GBP5: variants seen among roughly 807,000 people sequenced by gnomAD.
GBP5 encodes guanylate-binding protein 5.
GBP5 carries 48 observed loss-of-function variants against 58.2 expected under a neutral mutation model. The observed-to-expected ratio is 0.83, with a 90% CI of 0.65 to 1.05. The LOEUF (loss-of-function observed/expected upper bound fraction) is 1.05, where lower values mean the gene tolerates loss of function less well. Among genes scored for constraint, GBP5 ranks in the 50% least tolerant of loss-of-function variants. The pLI is 0.00. For synonymous variants in GBP5, 248 were observed against 251.8 expected, an observed-to-expected ratio of 0.98 and a Z score of 0.14; for missense variants, 714 against 686.8, an observed-to-expected ratio of 1.04 and a Z score of -0.44.
chr1:89,263,302 GA>G, intron 9 of GBP5: 1 of 163,174 alleles, frequency 6.1e-6, no homozygotes, highest in Non-Finnish European at 1.3e-5. Flanking sequence ...AAAGAAGGAG[GA>G]AAAGGGATAA....
At position 89,264,400 on chromosome 1, in the gene GBP5, T is replaced by C. The variant is rs1363557379; in HGVS notation, c.1149+286A>G. ...TCTATATGCTTAATAAAAAAGAAAA[T>C]TTAATACTTTGTAAATGCAACTGGC... On this transcript the variant is annotated intron_variant, in intron 8 of 11. Transcript: ENST00000370459. Among the ~76,000 whole-genome samples, 3 of 152,140 alleles carry C rather than the reference T, an allele frequency of 2.0e-5. No homozygotes were observed. The East Asian group carries it at 5.8e-4, about 29-fold the overall frequency.
At chr1:89,272,239 G>A in intron 1 of GBP5, 1 of 152,210 alleles carries the variant, frequency 6.6e-6, no homozygotes, top group East Asian at 1.9e-4. Context: ...CAAACTCTTA[G>A]TTTAGTCACC....
rs1649893348 is a variant in GBP5 at position 89,259,082 on chromosome 1, G to A, written c.*1622C>T. 6.6e-6 allele frequency: 1 copy of A among 152,068 alleles called. No individual in the cohort carries two copies. Among genetic ancestry groups the A allele is most frequent in the African/African-American group, 2.4e-5 (1 of 41,428 alleles). 9.4% of individuals were successfully genotyped at this position (152,068 alleles called of 1,614,324 possible). A position where few individuals can be genotyped will look rare whatever the true frequency, so the allele number is the denominator to read the frequency against. ...AAAGAATTAAGATCATTTAACTTTA[G>A]CACTATAAGCAAGCATTAAATTAAA... is the stretch of plus-strand genomic sequence containing the variant. On this transcript the variant is annotated 3_prime_UTR_variant, in exon 12 of 12. Transcript: ENST00000370459.
At chr1:89,268,674 C>A in intron 4 of GBP5, 55 bp downstream of exon 4, 1 of 1,582,732 alleles carries the variant, frequency 6.3e-7, no homozygotes, top group Middle Eastern at 1.7e-4. Context: ...CTAAAATCTC[C>A]CTGTGAAAAG....
intron 4 of GBP5, 38 bp from the exon 5 acceptor site, chr1:89,267,564 A>T: frequency 2.4e-6 from 3 of 1,245,728 alleles, no homozygotes; most frequent in Non-Finnish European, 3.6e-6. Context: ...GTCTCATGGG[A>T]TTCCCAGATG....
chr1:89,261,018 C>G (rs1204833448), intron 11 of GBP5, among the ~76,000 whole-genome samples: 1 of 152,136 alleles, frequency 6.6e-6, no homozygotes, highest in Non-Finnish European at 1.5e-5. Context: ...TTTCTCATCC[C>G]TGGAATATTG....
chr1:89,262,734 C>T lies in GBP5; in HGVS notation c.1414G>A (p.Ala472Thr). 1 of 1,599,212 alleles carries T rather than the reference C, an allele frequency of 6.3e-7. No individual in the cohort carries two copies. The highest frequency in any genetic ancestry group is 2.2e-5 in the East Asian group (1 of 44,546). ...AGAGCCTGGTCAGTCTGTAATATTG[C>T]ATGACTCACAGACTCCTTGGACTTT... Reference protein sequence around the residue: ...YLKSKESVSHAILQTDQALTE... With the variant: ...YLKSKESVSHTILQTDQALTE... The change falls in exon 10 of 12, where the codon GCA becomes ACA. Residue 472 changes from alanine (A) to threonine (T), a missense_variant. Transcript: ENST00000370459.
At chr1:89,266,848 G>A in intron 6 of GBP5, 109 bp downstream of exon 6, 4 of 689,912 alleles carry the variant, frequency 5.8e-6, no homozygotes, top group Non-Finnish European at 9.2e-6. Context: ...AGGAGAGCTG[G>A]GTGAATATAT....
In GBP5 at chr1:89,260,669, AAG is replaced by A. The variant is rs1649972808; in HGVS notation, c.*33_*34del. The A allele has an allele frequency of 2.4e-6, 3 of 1,264,736 alleles. No individual in the cohort carries two copies. The highest frequency in any genetic ancestry group is 3.5e-6 in the Non-Finnish European group (3 of 864,740). The allele number at this position is 1,264,736 out of a possible 1,614,324, so 78.3% of individuals were successfully genotyped here. On this transcript the variant is annotated 3_prime_UTR_variant, in exon 12 of 12. Coordinates refer to ENST00000370459, the MANE Select transcript of GBP5 (RefSeq NM_052942.5). The stretch of plus-strand genomic sequence containing the variant: ...CTTTTCTGTTGTGTCATCAGTGACA[AAG>A]AGTAAAAAAAGGAAACTCCCATATT...
chr1:89,268,531 C>T (rs946982710), intron 4 of GBP5, among the ~76,000 whole-genome samples, 198 bp downstream of exon 4: 4 of 152,136 alleles, frequency 2.6e-5, no homozygotes, highest in African/African-American at 9.7e-5. Flanking sequence ...CAACACTGCT[C>T]TTCTAATACT....
chr1:89,260,475 TA>T lies in GBP5; in HGVS notation c.*228del. On this transcript the variant is annotated 3_prime_UTR_variant, in exon 12 of 12. Transcript: ENST00000370459. ...ATGAAGGCAGTGATACAATGTCCCT[TA>T]TACAATTTATAATCTCTTAAAGGAA... 1 of 415,754 alleles carries T rather than the reference TA, an allele frequency of 2.4e-6. No individual in the cohort carries two copies. The highest frequency in any genetic ancestry group is 4.4e-6 in the Non-Finnish European group (1 of 229,824). 25.8% of individuals were successfully genotyped at this position (415,754 alleles called of 1,614,324 possible).
rs759648638 is a variant in GBP5, at chr1:89,262,321, G to T, written c.1546C>A (p.Gln516Lys). 6.2e-7 allele frequency: 1 copy of T among 1,613,914 alleles called. No individual in the cohort carries two copies. Among genetic ancestry groups the T allele is most frequent in the Non-Finnish European group, 8.5e-7 (1 of 1,179,842 alleles). The change falls in exon 11 of 12, where the codon CAG becomes AAG. Residue 516 changes from glutamine (Q) to lysine (K), a missense_variant. Physicochemically the swap from Gln to Lys is moderately conservative, Grantham distance 53. Coordinates refer to ENST00000370459, the MANE Select transcript of GBP5 (RefSeq NM_052942.5). ...TCCTGATGGAGTCTCTCCCTCTCCTGCATCATTTGCTCGTTCTGCCTTTGA... is the reference window on the plus strand; with the variant it reads ...TCCTGATGGAGTCTCTCCCTCTCCTTCATCATTTGCTCGTTCTGCCTTTGA... ...AIQRQNEQMM[Q>K]ERERLHQEQV...
At position 89,257,806 on chromosome 1, in the gene GBP5, C is replaced by T. The variant is rs1187515990; in HGVS notation, c.*2898G>A. Among the ~76,000 whole-genome samples, 2 of 152,108 alleles carry T rather than the reference C, an allele frequency of 1.3e-5. No individual in the cohort carries two copies. Among genetic ancestry groups the T allele is most frequent in the Non-Finnish European group, 2.9e-5 (2 of 68,012 alleles). ...CTATTGCTGCTATAACAAATTATTACTAATTTTGTGGCTTAAAACAACAGA... is the reference window on the plus strand; with the variant it reads ...CTATTGCTGCTATAACAAATTATTATTAATTTTGTGGCTTAAAACAACAGA... On this transcript the variant is annotated 3_prime_UTR_variant, in exon 12 of 12. Coordinates refer to ENST00000370459, the MANE Select transcript of GBP5 (RefSeq NM_052942.5).
chr1:89,265,579 T>C (rs1650176500), intron 7 of GBP5, among the ~76,000 whole-genome samples: 1 of 151,370 alleles, frequency 6.6e-6, no homozygotes, highest in African/African-American at 2.4e-5. Flanking sequence ...ATACAAAAAA[T>C]TAGCCAGGTG....
rs1649907326 is a variant in GBP5 at position 89,259,413 on chromosome 1, A to C, written c.*1291T>G. Reference sequence around the variant, plus strand: ...ATTTCTCTACGCAGATTGTCTATTGACAGTGCCAAGGAAACATCTCACTGT... The same window carrying C: ...ATTTCTCTACGCAGATTGTCTATTGCCAGTGCCAAGGAAACATCTCACTGT... On this transcript the variant is annotated 3_prime_UTR_variant, in exon 12 of 12. Transcript: ENST00000370459. 6.6e-6 allele frequency: 1 copy of C among 152,196 alleles called. No individual in the cohort carries two copies. The highest frequency in any genetic ancestry group is 1.5e-5 in the Non-Finnish European group (1 of 68,034). The allele number at this position is 152,196 out of a possible 1,614,324, so 9.4% of individuals were successfully genotyped here.
At position 89,269,461 on chromosome 1, in the gene GBP5, G is replaced by A. The variant is rs1244075010; in HGVS notation, c.95C>T (p.Ser32Phe). ...KVNQEALEIL[S>F]AITQPVVVVA... ...CACAACTACAGGTTGCGTAATGGCA[G>A]ACAGGATCTCCAAAGCTTCCTGATT... Residue 32 changes from serine (S) to phenylalanine (F), a missense_variant, in exon 3 of 12, where the codon TCT becomes TTT. Transcript: ENST00000370459. 1.9e-6 allele frequency: 3 copies of A among 1,614,024 alleles called. No homozygotes were observed. Among genetic ancestry groups the A allele is most frequent in the Non-Finnish European group, 1.7e-6 (2 of 1,180,000 alleles).
chr1:89,258,706 GAAAATTCCTTA>G lies in GBP5; in HGVS notation c.*1987_*1997del, dbSNP rs1215074450. On this transcript the variant is annotated 3_prime_UTR_variant, in exon 12 of 12. Transcript: ENST00000370459. ...AAGCTCCTATCATATTACCTAAGTGGAAAATTCCTTATATGAGTAAGTACTTATAAGGGAGA... is the reference window on the plus strand; with the variant it reads ...AAGCTCCTATCATATTACCTAAGTGGTATGAGTAAGTACTTATAAGGGAGA... Among the ~76,000 whole-genome samples, 1 of 152,014 alleles carries G rather than the reference GAAAATTCCTTA, an allele frequency of 6.6e-6. No individual in the cohort carries two copies. Among genetic ancestry groups the G allele is most frequent in the African/African-American group, 2.4e-5 (1 of 41,410 alleles).
At chr1:89,263,135 A>G (rs1198381828) in intron 9 of GBP5, 1 of 176,384 alleles carries the variant, frequency 5.7e-6, no homozygotes, top group Non-Finnish European at 1.2e-5. Flanking sequence ...TGAATGACAG[A>G]TATATGCTGG....
At position 89,269,401 on chromosome 1, in the gene GBP5, G is replaced by A. The variant is rs1650353548; in HGVS notation, c.155C>T (p.Ser52Phe). The A allele has an allele frequency of 6.8e-6, 11 of 1,614,112 alleles. No individual in the cohort carries two copies. The East Asian group carries it at 2.5e-4, about 36-fold the overall frequency. The change falls in exon 3 of 12, where the codon TCC becomes TTC. Residue 52 changes from serine to phenylalanine, a missense_variant. Transcript: ENST00000370459. ...CCCAGCCAGCTTGTTCATCAGGTAG[G>A]ATTTGCCAGTGCGATAGAGGCCCAC... ...AIVGLYRTGK[S>F]YLMNKLAGKN...
Sources: allele counts gnomAD v4.1 joint callset (sites outside exome capture counted in the v4.1 genomes callset), GRCh38; gene constraint gnomAD v4.1.1; transcripts MANE v1.5; gene names NCBI Gene and HGNC (gene_info 2026-07-23, HGNC 2026-07-21).